The following RUNX1 variants were observed in gnomAD, a reference collection of about 807,000 sequenced individuals.
The protein encoded by RUNX1 is RUNX family transcription factor 1.
A neutral mutation model predicts 42.8 loss-of-function variants in RUNX1; 19 were observed. The ratio of observed to expected loss-of-function variants is 0.44; its 90% CI spans 0.31 to 0.65. RUNX1 has a LOEUF of 0.65. Among genes scored for constraint, RUNX1 ranks in the 30% least tolerant of loss-of-function variants. RUNX1 has a pLI of 0.07. For synonymous variants in RUNX1, 271 were observed against 289.4 expected (o/e 0.94, Z 0.64); for missense variants, 528 against 672.0 (o/e 0.79, Z 2.37).
At chr21:34,818,855 C>T (rs541635432) in intron 7 of RUNX1, among the ~76,000 whole-genome samples, 191 of 152,348 alleles carry the variant, frequency 1.3e-3, no homozygotes, top group African/African-American at 4.4e-3. Context: ...CAGAGGCACA[C>T]GGGTGTTTGT....
At chr21:34,943,213 T>G (rs757521117) in intron 2 of RUNX1, among the ~76,000 whole-genome samples, 3 of 152,242 alleles carry the variant, frequency 2.0e-5, no homozygotes, top group Non-Finnish European at 4.4e-5. Flanking sequence ...CGGGGTTTTA[T>G]GACTGTGTTT....
intron 2 of RUNX1, among the ~76,000 whole-genome samples, chr21:34,971,784 T>A (rs900680191): frequency 1.3e-5 from 2 of 152,162 alleles, no homozygotes; most frequent in East Asian, 1.9e-4. Context: ...TTGGAGCCCA[T>A]GAATTGCAAC....
intron 2 of RUNX1, among the ~76,000 whole-genome samples, chr21:35,019,427 G>T (rs1270082644): frequency 6.6e-6 from 1 of 152,136 alleles, no homozygotes; most frequent in South Asian, 2.1e-4. Flanking sequence ...TCCTCAAACT[G>T]CTGGGAGACA....
chr21:34,864,938 G>A (rs569948743), intron 5 of RUNX1, among the ~76,000 whole-genome samples: 83 of 152,288 alleles, frequency 5.5e-4, no homozygotes, highest in African/African-American at 1.9e-3. Context: ...TTCATTCAGT[G>A]TGGACTCTCA....
chr21:34,889,593 C>CGGTGCTGCGG, intron 3 of RUNX1: 1 of 923,838 alleles, frequency 1.1e-6, no homozygotes, highest in Non-Finnish European at 1.3e-6. Flanking sequence ...CCGGGCCCCG[C>CGGTGCTGCGG]GTCTCCCCTC....
At chr21:35,028,378 C>T (rs1294092323) in intron 2 of RUNX1, among the ~76,000 whole-genome samples, 3 of 152,170 alleles carry the variant, frequency 2.0e-5, no homozygotes, top group African/African-American at 7.2e-5. Flanking sequence ...CATTCAAAGA[C>T]CTGGCTTCAA....
At chr21:35,026,169 G>A (rs981386392) in intron 2 of RUNX1, among the ~76,000 whole-genome samples, 1 of 152,116 alleles carries the variant, frequency 6.6e-6, no homozygotes, top group Non-Finnish European at 1.5e-5. Context: ...TTACTGATTC[G>A]GGAACACTGA....
At chr21:34,963,864 G>T (rs2058699004) in intron 2 of RUNX1, among the ~76,000 whole-genome samples, 1 of 152,196 alleles carries the variant, frequency 6.6e-6, no homozygotes, top group African/African-American at 2.4e-5. Flanking sequence ...CTGACTGTCA[G>T]GTACAAGGAA....
intron 7 of RUNX1, among the ~76,000 whole-genome samples, chr21:34,810,142 G>A (rs549113677): frequency 2.0e-5 from 3 of 152,346 alleles, no homozygotes; most frequent in South Asian, 2.1e-4. Context: ...ACCCAACCAC[G>A]GGTTTCTCAG....
chr21:34,852,299 G>A (rs918595340), intron 6 of RUNX1, among the ~76,000 whole-genome samples: 1 of 152,162 alleles, frequency 6.6e-6, no homozygotes, highest in African/African-American at 2.4e-5. Flanking sequence ...TGCACCAGGT[G>A]GGTTACTGCC....
intron 2 of RUNX1, among the ~76,000 whole-genome samples, chr21:34,977,766 G>A (rs1372079757): frequency 6.6e-6 from 1 of 152,134 alleles, no homozygotes; most frequent in Non-Finnish European, 1.5e-5. Flanking sequence ...GAATGTCGCT[G>A]GAGAGGCCAA....
chr21:34,988,462 C>G (rs988954676), intron 2 of RUNX1, among the ~76,000 whole-genome samples: 3 of 152,164 alleles, frequency 2.0e-5, no homozygotes, highest in African/African-American at 7.2e-5. Context: ...AGCCTGCTGT[C>G]CTGCTGTGGC....
chr21:35,019,318 CT>C (rs1234675823), intron 2 of RUNX1, among the ~76,000 whole-genome samples: 1 of 152,196 alleles, frequency 6.6e-6, no homozygotes, highest in Non-Finnish European at 1.5e-5. Context: ...ACCTTCTAGC[CT>C]TCCAGTCGTC....
intron 6 of RUNX1, among the ~76,000 whole-genome samples, chr21:34,857,783 G>A (rs1277333592): frequency 6.6e-6 from 1 of 152,120 alleles, no homozygotes. Context: ...TTTAATGCAG[G>A]GTTACATTAA....
intron 7 of RUNX1, among the ~76,000 whole-genome samples, chr21:34,816,048 C>G (rs547308477): frequency 3.3e-5 from 5 of 152,134 alleles, no homozygotes; most frequent in Admixed American, 3.3e-4. Flanking sequence ...GCTCTCCCCC[C>G]AGGTTCCCAG....
intron 2 of RUNX1, among the ~76,000 whole-genome samples, chr21:34,972,293 C>T (rs2058769176): frequency 6.6e-6 from 1 of 152,120 alleles, no homozygotes; most frequent in African/African-American, 2.4e-5. Context: ...TATCAATATT[C>T]TATGGCAAAA....
intron 2 of RUNX1, among the ~76,000 whole-genome samples, chr21:35,016,385 T>C (rs1409818149): frequency 6.6e-6 from 1 of 152,190 alleles, no homozygotes; most frequent in Non-Finnish European, 1.5e-5. Context: ...TGAGTAAAGC[T>C]TTCTATTAAA....
chr21:34,977,926 T>C (rs1272333611), intron 2 of RUNX1, among the ~76,000 whole-genome samples: 1 of 135,066 alleles, frequency 7.4e-6, no homozygotes, highest in African/African-American at 2.6e-5. Context: ...GTAAACAGCA[T>C]TTTTTTTTTT....
At chr21:34,942,853 A>C (rs2058537663) in intron 2 of RUNX1, among the ~76,000 whole-genome samples, 1 of 152,206 alleles carries the variant, frequency 6.6e-6, no homozygotes, top group South Asian at 2.1e-4. Context: ...GAAAAGAGTG[A>C]GGCAGCAAGT....
Sources: allele counts gnomAD v4.1 joint callset (sites outside exome capture counted in the v4.1 genomes callset), GRCh38; gene constraint gnomAD v4.1.1; transcripts MANE v1.5; gene names NCBI Gene and HGNC (gene_info 2026-07-23, HGNC 2026-07-21).